The following ZNF618 variants were observed in gnomAD, a reference collection of about 807,000 sequenced individuals.
ZNF618 encodes neural precursor cell expressed, developmentally down-regulated 10.
A neutral mutation model predicts 103.0 loss-of-function variants in ZNF618; 34 were observed. The observed-to-expected ratio is 0.33, with a 90% CI of 0.25 to 0.44. The LOEUF is 0.44. ZNF618 is among the 20% of genes least tolerant of loss of function. The pLI is 1.00. For synonymous variants in ZNF618, 551 were observed against 542.2 expected (o/e 1.02, Z -0.23); for missense variants, 1,059 against 1,295.4 (o/e 0.82, Z 2.80).
intron 11 of ZNF618, among the ~76,000 whole-genome samples, chr9:114,030,444 T>C (rs1843911952): frequency 2.0e-5 from 3 of 152,202 alleles, no homozygotes; most frequent in Admixed American, 2.0e-4. Flanking sequence ...TCTTGCACTT[T>C]GTGGCTGGGA....
At chr9:113,996,381 T>C (rs1452302851) in intron 3 of ZNF618, among the ~76,000 whole-genome samples, 1 of 152,248 alleles carries the variant, frequency 6.6e-6, no homozygotes, top group Non-Finnish European at 1.5e-5. Context: ...TTTGGATTTC[T>C]ATCTTGTCAC....
intron 1 of ZNF618, among the ~76,000 whole-genome samples, chr9:113,910,783 C>T (rs983515134): frequency 7.9e-5 from 12 of 152,152 alleles, no homozygotes; most frequent in Admixed American, 7.2e-4. Context: ...CCAGCCTAGC[C>T]CATATCTGAA....
chr9:113,955,288 T>G (rs187854260), intron 1 of ZNF618, among the ~76,000 whole-genome samples: 275 of 151,186 alleles, frequency 1.8e-3, no homozygotes, highest in Admixed American at 3.7e-3. Context: ...GAATTCAAGG[T>G]ACCAGATTTC....
intron 9 of ZNF618, among the ~76,000 whole-genome samples, chr9:114,014,306 C>A (rs1842486242): frequency 6.6e-6 from 1 of 152,214 alleles, no homozygotes; most frequent in South Asian, 2.1e-4. Flanking sequence ...GTATTAGAGA[C>A]AAGGTTAATT....
intron 12 of ZNF618, 21 bp downstream of exon 12, chr9:114,032,749 C>T (rs767261974): frequency 6.2e-7 from 1 of 1,610,980 alleles, no homozygotes; most frequent in South Asian, 1.1e-5. Context: ...CCCTTGACAG[C>T]CATCCTGTGC....
chr9:113,955,244 G>A (rs1836167018), intron 1 of ZNF618, among the ~76,000 whole-genome samples: 4 of 147,626 alleles, frequency 2.7e-5, no homozygotes, highest in Admixed American at 2.0e-4. Flanking sequence ...GACTCACCCC[G>A]TGGAAGTCAC....
intron 10 of ZNF618, among the ~76,000 whole-genome samples, chr9:114,021,054 T>C (rs1843035747): frequency 6.6e-6 from 1 of 152,088 alleles, no homozygotes; most frequent in South Asian, 2.1e-4. Flanking sequence ...GATTCTTATA[T>C]TCTCTTTTGT....
chr9:114,011,304 G>A (rs756862809), intron 9 of ZNF618, among the ~76,000 whole-genome samples: 3 of 152,230 alleles, frequency 2.0e-5, no homozygotes, highest in African/African-American at 7.2e-5. Context: ...CATTAAATAA[G>A]TGGTACCTTT....
chr9:113,964,098 A>G (rs1031643626), intron 1 of ZNF618, among the ~76,000 whole-genome samples: 6 of 152,170 alleles, frequency 3.9e-5, no homozygotes, highest in African/African-American at 1.2e-4. Context: ...CGCCAGGTCC[A>G]TCTTGAGCTT....
At chr9:113,981,809 T>G (rs1291928105) in intron 2 of ZNF618, among the ~76,000 whole-genome samples, 19 of 152,242 alleles carry the variant, frequency 1.2e-4, no homozygotes, top group Non-Finnish European at 2.6e-4. Context: ...TGGCCATGCC[T>G]TTCCTTCACC....
chr9:113,916,802 T>C (rs1238142794), intron 1 of ZNF618, among the ~76,000 whole-genome samples: 5 of 152,324 alleles, frequency 3.3e-5, no homozygotes, highest in African/African-American at 1.2e-4. Flanking sequence ...CAGAAAAACA[T>C]TGCTCTGTCC....
chr9:113,976,890 T>A (rs1000726832), intron 2 of ZNF618, among the ~76,000 whole-genome samples: 9 of 152,184 alleles, frequency 5.9e-5, no homozygotes, highest in Non-Finnish European at 7.3e-5. Context: ...CATCCATCCA[T>A]CCTTTAATCT....
At chr9:113,907,497 T>G (rs767004326) in intron 1 of ZNF618, among the ~76,000 whole-genome samples, 5 of 152,210 alleles carry the variant, frequency 3.3e-5, no homozygotes, top group Non-Finnish European at 7.3e-5. Context: ...GCAGGGACTT[T>G]CCCAGGCAAT....
intron 1 of ZNF618, among the ~76,000 whole-genome samples, chr9:113,901,200 T>C (rs972951478): frequency 1.1e-4 from 17 of 152,238 alleles, no homozygotes; most frequent in Non-Finnish European, 1.8e-4. Flanking sequence ...GAGAGAGCGT[T>C]TGTTGCACTT....
intron 3 of ZNF618, 102 bp from the exon 4 acceptor site, chr9:113,998,157 T>A (rs1442375411): frequency 9.6e-7 from 1 of 1,037,464 alleles, no homozygotes; most frequent in East Asian, 2.6e-5. Context: ...GGCAGTGTGA[T>A]CTTGTCCACG....
chr9:114,002,721 G>A, intron 6 of ZNF618, 59 bp downstream of exon 6: 1 of 1,584,668 alleles, frequency 6.3e-7, no homozygotes, highest in South Asian at 1.1e-5. Context: ...GTGGGATGAA[G>A]AGGAGCTGCT....
chr9:113,969,193 C>T (rs765473358), intron 2 of ZNF618, 33 bp downstream of exon 2: 1 of 1,613,770 alleles, frequency 6.2e-7, no homozygotes, highest in Admixed American at 1.7e-5. Context: ...AGCTTGTCCA[C>T]CCATCGACTC....
chr9:114,045,711 C>T (rs969447808), intron 13 of ZNF618, among the ~76,000 whole-genome samples: 1 of 151,924 alleles, frequency 6.6e-6, no homozygotes, highest in Admixed American at 6.5e-5. Flanking sequence ...CTTGCATTTC[C>T]ATATGAATTT....
chr9:114,037,258 T>C (rs1179008408), intron 13 of ZNF618, among the ~76,000 whole-genome samples: 1 of 152,158 alleles, frequency 6.6e-6, no homozygotes, highest in Non-Finnish European at 1.5e-5. Flanking sequence ...GGATCAAGGC[T>C]CTTTTTTCTA....
Sources: allele counts gnomAD v4.1 joint callset (sites outside exome capture counted in the v4.1 genomes callset), GRCh38; gene constraint gnomAD v4.1.1; transcripts MANE v1.5; gene names NCBI Gene and HGNC (gene_info 2026-07-23, HGNC 2026-07-21).